Variants in GPC5 observed in about 807,000 individuals in gnomAD.
GPC5 encodes the protein glypican-5.
Under a neutral mutation model 53.9 loss-of-function variants are expected in GPC5, and 47 were observed. The observed-to-expected ratio is 0.87, with a 90% CI of 0.69 to 1.11. The LOEUF (loss-of-function observed/expected upper bound fraction) is 1.11. Ranked by LOEUF, GPC5 falls within the 50% of genes most tolerant of loss-of-function variation. The probability of loss-of-function intolerance (pLI) is 0.00; values close to 1 mark genes in which losing one functional copy is unlikely to be tolerated. For synonymous variants in GPC5, 286 were observed against 263.3 expected (o/e 1.09, Z -0.84); for missense variants, 748 against 713.1 (o/e 1.05, Z -0.56).
chr13:91,498,558 G>T (rs1884433262), intron 2 of GPC5, among the ~76,000 whole-genome samples: 1 of 152,130 alleles, frequency 6.6e-6, no homozygotes, highest in African/African-American at 2.4e-5. Flanking sequence ...TGAAAGGTCA[G>T]AAATGTAGTA....
At chr13:92,712,803 A>G (rs1888182936) in intron 7 of GPC5, among the ~76,000 whole-genome samples, 1 of 152,182 alleles carries the variant, frequency 6.6e-6, no homozygotes, top group Admixed American at 6.5e-5. Context: ...ATGAAGTCAT[A>G]TGAATGGGCG....
intron 7 of GPC5, among the ~76,000 whole-genome samples, chr13:92,238,529 C>A (rs2042586551): frequency 6.6e-6 from 1 of 151,934 alleles, no homozygotes; most frequent in South Asian, 2.1e-4. Context: ...AGTGTATTTG[C>A]CCTTTTTAAA....
intron 2 of GPC5, among the ~76,000 whole-genome samples, chr13:91,469,049 CTT>C (rs1443493102): frequency 6.6e-6 from 1 of 150,742 alleles, no homozygotes; most frequent in Non-Finnish European, 1.5e-5. Flanking sequence ...GGCCAATTTT[CTT>C]TGTCTCGTCT....
Position 91,512,858 on chromosome 13 carries a change from G to A in GPC5, c.325+63936G>A, listed in dbSNP as rs536265861. Among the ~76,000 whole-genome samples the A allele has an allele frequency of 2.0e-5, 3 of 152,246 alleles. No homozygotes were observed. The South Asian group carries it at 6.2e-4, about 32-fold the overall frequency. ...TTTTTTGCATACTAAGTTCTGTGAT[G>A]TGTGTTTTAATCTATAGTTTTACAG... is the stretch of plus-strand genomic sequence containing the variant. On this transcript the variant is annotated intron_variant, in intron 2 of 7. Transcript: ENST00000377067.
At chr13:92,662,640 A>T (rs565163982) in intron 7 of GPC5, among the ~76,000 whole-genome samples, 1 of 152,282 alleles carries the variant, frequency 6.6e-6, no homozygotes, top group African/African-American at 2.4e-5. Context: ...TACTGGAGCT[A>T]CTTGGCCCTT....
At chr13:92,695,407 A>G (rs192500964) in intron 7 of GPC5, among the ~76,000 whole-genome samples, 214 of 152,286 alleles carry the variant, frequency 1.4e-3, no homozygotes, top group Non-Finnish European at 2.1e-3. Flanking sequence ...AAATTTGCTT[A>G]TAAGTCCTGA....
chr13:91,765,657 C>T (rs891391232), intron 5 of GPC5, among the ~76,000 whole-genome samples: 6 of 152,156 alleles, frequency 3.9e-5, no homozygotes, highest in Non-Finnish European at 7.4e-5. Flanking sequence ...AACACATTCA[C>T]AGCAAAACAG....
intron 5 of GPC5, among the ~76,000 whole-genome samples, chr13:91,851,735 G>A (rs1236009473): frequency 1.5e-5 from 2 of 137,560 alleles, no homozygotes; most frequent in African/African-American, 2.8e-5. Flanking sequence ...CCACCTATGA[G>A]TGAGAATATG....
intron 2 of GPC5, among the ~76,000 whole-genome samples, chr13:91,522,618 A>G (rs962706932): frequency 6.6e-6 from 1 of 152,104 alleles, no homozygotes; most frequent in Non-Finnish European, 1.5e-5. Flanking sequence ...TGCTGCACCC[A>G]TTAACTCTCT....
At chr13:91,986,569 G>A (rs2040410262) in intron 6 of GPC5, among the ~76,000 whole-genome samples, 1 of 152,112 alleles carries the variant, frequency 6.6e-6, no homozygotes, top group African/African-American at 2.4e-5. Context: ...TCTGCAGCAA[G>A]CATGACATGA....
At chr13:91,788,627 T>G (rs967763676) in intron 5 of GPC5, among the ~76,000 whole-genome samples, 3 of 152,204 alleles carry the variant, frequency 2.0e-5, no homozygotes, top group African/African-American at 7.2e-5. Context: ...ATATATATAC[T>G]ATTATTCAAA....
At chr13:91,464,543 A>C (rs546852728) in intron 2 of GPC5, among the ~76,000 whole-genome samples, 1 of 152,328 alleles carries the variant, frequency 6.6e-6, no homozygotes, top group Non-Finnish European at 1.5e-5. Context: ...AGCAATAAAA[A>C]GGAATGAACT....
In GPC5 at chr13:91,506,903, C is replaced by G. The variant is rs183737890; in HGVS notation, c.325+57981C>G. On this transcript the variant is annotated intron_variant, in intron 2 of 7. Transcript: ENST00000377067. ...AAAAGTTTAAATACTATTATAAAAA[C>G]AAAACATGCCAATGCTGAGAAAAAA... Among the ~76,000 whole-genome samples the G allele has an allele frequency of 3.3e-3, 496 of 151,906 alleles. 3 individuals carry two copies. Among genetic ancestry groups the G allele is most frequent in the African/African-American group, 0.011 (473 of 41,444 alleles).
intron 7 of GPC5, among the ~76,000 whole-genome samples, chr13:92,859,982 GT>G (rs1162565963): frequency 2.0e-5 from 3 of 151,924 alleles, no homozygotes; most frequent in Non-Finnish European, 2.9e-5. Flanking sequence ...AAAAAGTCTA[GT>G]TATTATTCAT....
At chr13:92,531,012 A>C (rs1881546197) in intron 7 of GPC5, among the ~76,000 whole-genome samples, 1 of 152,204 alleles carries the variant, frequency 6.6e-6, no homozygotes, top group South Asian at 2.1e-4. Context: ...CTGAGCAGGT[A>C]ATATAAATAC....
intron 2 of GPC5, among the ~76,000 whole-genome samples, chr13:91,603,453 T>C (rs1372899112): frequency 6.6e-6 from 1 of 152,224 alleles, no homozygotes; most frequent in African/African-American, 2.4e-5. Flanking sequence ...CCACGGTTAG[T>C]GGCAGAAGTG....
intron 5 of GPC5, among the ~76,000 whole-genome samples, chr13:91,867,581 A>G (rs948829221): frequency 1.1e-4 from 16 of 152,320 alleles, no homozygotes; most frequent in African/African-American, 3.8e-4. Flanking sequence ...TGTGGTTTTC[A>G]GTGTGTTTGT....
chr13:91,858,397 G>T (rs1471721896), intron 5 of GPC5, among the ~76,000 whole-genome samples: 2 of 151,900 alleles, frequency 1.3e-5, no homozygotes, highest in African/African-American at 2.4e-5. Flanking sequence ...TTTATCAAAT[G>T]CTTTTTTAGC....
At chr13:91,889,975 G>A (rs1396276078) in intron 5 of GPC5, among the ~76,000 whole-genome samples, 1 of 152,200 alleles carries the variant, frequency 6.6e-6, no homozygotes, top group Non-Finnish European at 1.5e-5. Context: ...CTGGATTGGG[G>A]ATAGGGTATT....
Sources: allele counts gnomAD v4.1 joint callset (sites outside exome capture counted in the v4.1 genomes callset), GRCh38; gene constraint gnomAD v4.1.1; transcripts MANE v1.5; gene names NCBI Gene and HGNC (gene_info 2026-07-23, HGNC 2026-07-21).